The following CAST variants were observed in gnomAD, a reference collection of about 807,000 sequenced individuals.
CAST encodes MIR583 host.
Under a neutral mutation model 119.6 loss-of-function variants are expected in CAST, and 76 were observed. That is an observed-to-expected ratio of 0.64 (90% CI 0.53 to 0.77). The LOEUF (loss-of-function observed/expected upper bound fraction) is 0.77. Among genes scored for constraint, CAST ranks in the 30% least tolerant of loss-of-function variants. CAST has a pLI of 0.00. For synonymous variants in CAST, 319 were observed against 331.6 expected (o/e 0.96, Z 0.41); for missense variants, 953 against 946.5 (o/e 1.01, Z -0.09).
At chr5:96,428,694 A>G in the CAST span, among the ~76,000 whole-genome samples, 1 of 152,330 alleles carries the variant, frequency 6.6e-6, no homozygotes, top group East Asian at 1.9e-4. Flanking sequence ...TCTCTCATAA[A>G]CACTAGCTCC....
intron 1 of CAST, among the ~76,000 whole-genome samples, chr5:96,665,743 T>TACACAC (rs745907302): frequency 1.5e-5 from 2 of 130,076 alleles, no homozygotes; most frequent in African/African-American, 5.5e-5. Context: ...CACACACACA[T>TACACAC]ACACACACAC....
At chr5:96,381,269 GTTTATTACTGTAATTTTATAAT>G in the CAST span, among the ~76,000 whole-genome samples, 2 of 151,864 alleles carry the variant, frequency 1.3e-5, no homozygotes, top group Admixed American at 1.3e-4. Flanking sequence ...TATACAGTGG[GTTTATTACTGTAATTTTATAAT>G]TAATAAGTAG....
the CAST span, among the ~76,000 whole-genome samples, chr5:96,178,866 C>T: frequency 3.3e-5 from 5 of 152,130 alleles, no homozygotes; most frequent in African/African-American, 9.7e-5. Context: ...CCTATTTATA[C>T]GGGCCTCATT....
the CAST span, among the ~76,000 whole-genome samples, chr5:96,515,418 T>C: frequency 6.6e-6 from 1 of 152,014 alleles, no homozygotes; most frequent in Admixed American, 6.6e-5. Flanking sequence ...AAAGTGATCT[T>C]GACAATGGCA....
the CAST span, among the ~76,000 whole-genome samples, chr5:96,505,009 T>A: frequency 6.6e-6 from 1 of 152,186 alleles, no homozygotes; most frequent in East Asian, 1.9e-4. Context: ...GTTCACCAGT[T>A]GATGGATCAT....
the CAST span, among the ~76,000 whole-genome samples, chr5:96,447,252 C>T: frequency 6.6e-6 from 1 of 152,210 alleles, no homozygotes; most frequent in Non-Finnish European, 1.5e-5. Flanking sequence ...TGAAAGCATG[C>T]AGGCCCTAGG....
the CAST span, among the ~76,000 whole-genome samples, chr5:96,317,476 C>CAAAAAA: frequency 5.5e-4 from 28 of 50,586 alleles, no homozygotes; most frequent in Middle Eastern, 0.018. Context: ...GACTCCATCT[C>CAAAAAA]AAAAAAAAAA....
chr5:96,071,745 TA>T, the CAST span, among the ~76,000 whole-genome samples: 8 of 152,118 alleles, frequency 5.3e-5, no homozygotes, highest in African/African-American at 1.9e-4. Context: ...CTAGTTTTTT[TA>T]AAAAAAGTTT....
At chr5:96,580,276 A>T (rs902471857) in intron 1 of CAST, among the ~76,000 whole-genome samples, 3 of 152,224 alleles carry the variant, frequency 2.0e-5, no homozygotes, top group African/African-American at 7.2e-5. Context: ...AAGTATCGTA[A>T]ATCAGAATTA....
the CAST span, chr5:96,214,718 G>A: frequency 1.9e-4 from 29 of 152,250 alleles, no homozygotes; most frequent in African/African-American, 6.5e-4. Flanking sequence ...AAAGCCAGGT[G>A]GTGGTATGCA....
At chr5:96,180,402 T>C in the CAST span, among the ~76,000 whole-genome samples, 1 of 152,224 alleles carries the variant, frequency 6.6e-6, no homozygotes, top group Non-Finnish European at 1.5e-5. Context: ...TCTTAAAATA[T>C]TGTAAGCATA....
the CAST span, among the ~76,000 whole-genome samples, chr5:95,996,543 C>T: frequency 6.6e-6 from 1 of 152,276 alleles, no homozygotes; most frequent in East Asian, 1.9e-4. Context: ...TACAAGGGCA[C>T]TCTGGCACAT....
the CAST span, among the ~76,000 whole-genome samples, chr5:96,513,608 C>G: frequency 1.1e-3 from 161 of 152,290 alleles, no homozygotes; most frequent in African/African-American, 3.8e-3. Flanking sequence ...GAAAAGTAAG[C>G]CAGTCAAGTG....
the CAST span, among the ~76,000 whole-genome samples, chr5:95,987,575 G>A: frequency 2.5e-4 from 38 of 152,298 alleles, 1 homozygote; most frequent in South Asian, 7.3e-3. Flanking sequence ...TTGTGTAAAA[G>A]CATCAGGCCT....
At chr5:96,221,941 C>G in the CAST span, among the ~76,000 whole-genome samples, 1 of 151,994 alleles carries the variant, frequency 6.6e-6, no homozygotes, top group Non-Finnish European at 1.5e-5. Flanking sequence ...ATAGAGCACC[C>G]AGAAATAAAT....
the CAST span, among the ~76,000 whole-genome samples, chr5:96,476,681 C>T: frequency 6.6e-6 from 1 of 152,122 alleles, no homozygotes; most frequent in African/African-American, 2.4e-5. Flanking sequence ...GAAAGAGTAG[C>T]CATATGCATA....
At chr5:96,275,670 T>C in the CAST span, among the ~76,000 whole-genome samples, 1 of 152,224 alleles carries the variant, frequency 6.6e-6, no homozygotes, top group South Asian at 2.1e-4. Context: ...ACACAGGTAA[T>C]TCAAAAGCTA....
chr5:96,434,566 G>A, the CAST span, among the ~76,000 whole-genome samples: 1 of 152,108 alleles, frequency 6.6e-6, no homozygotes, highest in Non-Finnish European at 1.5e-5. Flanking sequence ...TAAAATCGCC[G>A]GGAGGTGGAA....
At chr5:96,010,956 C>T in the CAST span, among the ~76,000 whole-genome samples, 1 of 152,130 alleles carries the variant, frequency 6.6e-6, no homozygotes, top group South Asian at 2.1e-4. Context: ...GATTTTGTAT[C>T]CTGAAACTTT....
Sources: allele counts gnomAD v4.1 joint callset (sites outside exome capture counted in the v4.1 genomes callset), GRCh38; gene constraint gnomAD v4.1.1; transcripts MANE v1.5; gene names NCBI Gene and HGNC (gene_info 2026-07-23, HGNC 2026-07-21).